SATB1: variants seen among roughly 807,000 people sequenced by gnomAD.
The protein encoded by SATB1 is SATB homeobox 1.
SATB1 carries 11 observed loss-of-function variants against 86.9 expected under a neutral mutation model. That is an observed-to-expected ratio of 0.13 (90% confidence interval 0.08 to 0.21). The LOEUF (loss-of-function observed/expected upper bound fraction) is 0.21. Ranked by LOEUF, SATB1 falls within the 10% of genes least tolerant of loss-of-function variation. The probability of loss-of-function intolerance (pLI) is 1.00; values close to 1 mark genes in which losing one functional copy is unlikely to be tolerated. For synonymous variants in SATB1, 357 were observed against 357.2 expected, an observed-to-expected ratio of 1.00 and a Z score of 0.01; for missense variants, 551 against 937.6, an observed-to-expected ratio of 0.59 and a Z score of 5.39.
At chr3:18,361,854 T>C (rs971094657) in intron 9 of SATB1, among the ~76,000 whole-genome samples, 2 of 152,156 alleles carry the variant, frequency 1.3e-5, no homozygotes, top group Non-Finnish European at 2.9e-5. Context: ...CATACATGCA[T>C]ACACACATAT....
At chr3:18,425,816 A>AGGGAGGAGG (rs1698673652), upstream of SATB1, among the ~76,000 whole-genome samples, 1 of 63,424 alleles carries the variant, frequency 1.6e-5, no homozygotes, top group Non-Finnish European at 3.0e-5. Context: ...TGTGAGTGGG[A>AGGGAGGAGG]GGGAGGAGGG....
chr3:18,431,596 T>C (rs986028626), intron 2 of SATB1, among the ~76,000 whole-genome samples: 2 of 152,196 alleles, frequency 1.3e-5, no homozygotes, highest in African/African-American at 4.8e-5. Context: ...CTCAAGGTGA[T>C]TCTCATATAC....
At position 18,349,640 on chromosome 3, in the gene SATB1, C is replaced by CCTGCTGCTGCTGCTGCTG; in HGVS notation, c.1804_1821dup (p.Gln602_Gln607dup). ...TGCTGTGGCTGTGGAGGCGGCGGTG[C>CCTGCTGCTGCTGCTGCTG]CTGCTGCTGCTGCTGCTGCTGTTGC... On this transcript the variant is annotated inframe_insertion, in exon 11 of 11. Coordinates refer to ENST00000338745, the MANE Select transcript of SATB1 (RefSeq NM_002971.6). The surrounding 1 kb of genome is among the most constrained non-coding windows in gnomAD (Gnocchi z 5.5). The CCTGCTGCTGCTGCTGCTG allele has an allele frequency of 6.2e-7, 1 of 1,609,582 alleles. No individual in the cohort carries two copies. Among genetic ancestry groups the CCTGCTGCTGCTGCTGCTG allele is most frequent in the Non-Finnish European group, 8.5e-7 (1 of 1,178,124 alleles).
chr3:18,354,877 T>C lies in SATB1; in HGVS notation c.1576-2682A>G, dbSNP rs542297722. 2.0e-5 allele frequency among the ~76,000 whole-genome samples: 3 copies of C among 152,278 alleles called. No individual in the cohort carries two copies. The East Asian group carries it at 5.8e-4, about 29-fold the overall frequency. ...TCATTCAACAAATATTTTGCTCATA[T>C]TGTCACTTCTGTGTCTCTAGACTTA... On this transcript the variant is annotated intron_variant, in intron 9 of 10. Coordinates refer to ENST00000338745, the MANE Select transcript of SATB1 (RefSeq NM_002971.6).
intron 3 of SATB1, 57 bp from the exon 4 acceptor site, chr3:18,416,190 A>C (rs1698103658): frequency 7.2e-7 from 1 of 1,396,410 alleles, no homozygotes. Context: ...TAATATATCT[A>C]CTAGAAGGGT....
intron 6 of SATB1, among the ~76,000 whole-genome samples, chr3:18,396,791 G>A (rs1290263171): frequency 6.6e-6 from 1 of 152,042 alleles, no homozygotes; most frequent in African/African-American, 2.4e-5. Flanking sequence ...CTTTAAAATT[G>A]GGTGTAAAAA....
intron 9 of SATB1, among the ~76,000 whole-genome samples, chr3:18,368,635 C>T (rs999456034): frequency 6.6e-6 from 1 of 152,170 alleles, no homozygotes; most frequent in Non-Finnish European, 1.5e-5. Flanking sequence ...CTCAGTTGGA[C>T]AGCAGGAATC....
In SATB1 at chr3:18,386,316, T is replaced by G; in HGVS notation, c.1419+83A>C. 9 of 1,023,912 alleles carry G rather than the reference T, an allele frequency of 8.8e-6. No individual in the cohort carries two copies. The highest frequency in any genetic ancestry group is 1.2e-5 in the Non-Finnish European group (8 of 675,386). 63.4% of individuals were successfully genotyped at this position (1,023,912 alleles called of 1,614,324 possible). A position where few individuals can be genotyped will look rare whatever the true frequency, so the allele number is the denominator to read the frequency against. Reference sequence around the variant, plus strand: ...AAACATATAAATCTATGTATCTATCTATCTAATTTCTTATTGAGATTCTTC... The same window carrying G: ...AAACATATAAATCTATGTATCTATCGATCTAATTTCTTATTGAGATTCTTC... On this transcript the variant is annotated intron_variant, in intron 8 of 10. Coordinates refer to ENST00000338745, the MANE Select transcript of SATB1 (RefSeq NM_002971.6). The surrounding 1 kb of genome is among the most constrained non-coding windows in gnomAD (Gnocchi z 4.5).
intron 5 of SATB1, among the ~76,000 whole-genome samples, chr3:18,413,935 G>A (rs558613396): frequency 7.8e-4 from 119 of 152,192 alleles, no homozygotes; most frequent in Non-Finnish European, 1.5e-3. Context: ...CTATGAAACA[G>A]AAGCACAAAG....
intron 9 of SATB1, among the ~76,000 whole-genome samples, chr3:18,368,073 C>T (rs1158923794): frequency 1.3e-5 from 2 of 152,310 alleles, no homozygotes; most frequent in East Asian, 3.9e-4. Flanking sequence ...CACAACTATG[C>T]TTTGAATAGC....
chr3:18,434,383 G>GTATATA (rs530106615), intron 2 of SATB1, among the ~76,000 whole-genome samples: 1 of 147,888 alleles, frequency 6.8e-6, no homozygotes, highest in African/African-American at 2.6e-5. Flanking sequence ...GTAAGAATAA[G>GTATATA]TATATATATA....
Position 18,420,802 on chromosome 3 carries a change from G to A in SATB1, c.166C>T (p.Pro56Ser). 6.2e-7 allele frequency: 1 copy of A among 1,614,030 alleles called. No individual in the cohort carries two copies. Residue 56 changes from proline (P) to serine (S), a missense_variant, in exon 2 of 11, where the codon CCT becomes TCT. Pro to Ser is a moderately conservative substitution (Grantham distance 74, BLOSUM62 -1). Transcript: ENST00000338745. ...ATCAGATGGCCCGAGTGTTTTAAAG[G>A]CACTCCCTGCATTTTTGCACCTGTA... ...GSTGAKMQGV[P>S]LKHSGHLMKT...
chr3:18,356,848 T>C (rs1694669886), intron 9 of SATB1, among the ~76,000 whole-genome samples: 1 of 151,858 alleles, frequency 6.6e-6, no homozygotes, highest in South Asian at 2.1e-4. Context: ...CTCACATGCA[T>C]AGAATGAGAA....
intron 9 of SATB1, among the ~76,000 whole-genome samples, chr3:18,375,891 A>C (rs1449317075): frequency 1.3e-5 from 2 of 152,202 alleles, no homozygotes; most frequent in African/African-American, 4.8e-5. Context: ...CAAGGGAATA[A>C]AGTTAATAGT....
At position 18,416,172 on chromosome 3, in the gene SATB1, C is replaced by T. The variant is rs201936122; in HGVS notation, c.389-39G>A. On this transcript the variant is annotated intron_variant, in intron 3 of 10. Transcript: ENST00000338745. ...AGAGAATATGTCACTAAATATTTTA[C>T]CCTCAGATAATATATCTACTAGAAG... is the stretch of plus-strand genomic sequence containing the variant. The T allele has an allele frequency of 2.1e-4, 321 of 1,538,584 alleles. 1 individual carries two copies. Among genetic ancestry groups the T allele is most frequent in the Middle Eastern group, 1.2e-3 (7 of 5,758 alleles).
chr3:18,418,108 G>A (rs997772837), intron 2 of SATB1, among the ~76,000 whole-genome samples: 1 of 152,120 alleles, frequency 6.6e-6, no homozygotes, highest in Non-Finnish European at 1.5e-5. Flanking sequence ...ACTGCCAGAA[G>A]GGTATCATCT....
Position 18,349,818 on chromosome 3 carries a change from G to GA in SATB1, c.1780-137_1780-136insT. On this transcript the variant is annotated intron_variant, in intron 10 of 10. Coordinates refer to ENST00000338745, the MANE Select transcript of SATB1 (RefSeq NM_002971.6). This position sits in a 1 kb window ranked among gnomAD's most constrained non-coding sequence, Gnocchi z 5.5. ...AGGGATGAAGATTTAGAAAGAAAAGGTAGGCCGGCGAAATGGCCGACAGCA... is the reference window on the plus strand; with the variant it reads ...AGGGATGAAGATTTAGAAAGAAAAGGATAGGCCGGCGAAATGGCCGACAGCA... 2.1e-6 allele frequency: 3 copies of GA among 1,406,042 alleles called. No individual in the cohort carries two copies. The highest frequency in any genetic ancestry group is 1.9e-6 in the Non-Finnish European group (2 of 1,075,558). 87.1% of individuals were successfully genotyped at this position (1,406,042 alleles called of 1,614,324 possible). A position where few individuals can be genotyped will look rare whatever the true frequency, so the allele number is the denominator to read the frequency against.
At position 18,416,287 on chromosome 3, in the gene SATB1, G is replaced by A. The variant is rs531494277; in HGVS notation, c.389-154C>T. On this transcript the variant is annotated intron_variant, in intron 3 of 10. Transcript: ENST00000338745. ...CCTTCCCTCTAAAAGGCAGGTCAAT[G>A]AAAATATTCACAGCTTAGCTTTCCA... Among the ~76,000 whole-genome samples, 4 of 152,168 alleles carry A rather than the reference G, an allele frequency of 2.6e-5. No individual in the cohort carries two copies. The South Asian group carries it at 8.3e-4, about 32-fold the overall frequency.
At chr3:18,416,201 GTTC>G (rs1698104451) in intron 3 of SATB1, 68 bp from the exon 4 acceptor site, 1 of 1,319,616 alleles carries the variant, frequency 7.6e-7, no homozygotes, top group East Asian at 2.5e-5. Flanking sequence ...CTAGAAGGGT[GTTC>G]TTTTCTTTTC....
Sources: gnomAD v4.1 joint callset for allele counts (sites outside exome capture counted in the v4.1 genomes callset) on GRCh38, gnomAD v4.1.1 for gene constraint, Gnocchi (gnomAD v3.1) non-coding constraint, MANE v1.5 for transcripts, NCBI Gene and HGNC (gene_info 2026-07-23, HGNC 2026-07-21) for gene names.